Variants in RAB3GAP2 observed in about 807,000 individuals in gnomAD.
RAB3GAP2 encodes RAB3 GTPase activating non-catalytic protein subunit 2.
Under a neutral mutation model 185.3 loss-of-function variants are expected in RAB3GAP2, and 87 were observed. The ratio of observed to expected loss-of-function variants is 0.47; its 90% CI spans 0.39 to 0.56. The LOEUF is 0.56. Among genes scored for constraint, RAB3GAP2 ranks in the 20% least tolerant of loss-of-function variants. The pLI is 0.00. For synonymous variants in RAB3GAP2, 554 were observed against 576.1 expected, an observed-to-expected ratio of 0.96 and a Z score of 0.55; for missense variants, 1,492 against 1,638.2, an observed-to-expected ratio of 0.91 and a Z score of 1.54.
At chr1:220,255,862 A>G (rs1660024392) in intron 1 of RAB3GAP2, among the ~76,000 whole-genome samples, 1 of 152,208 alleles carries the variant, frequency 6.6e-6, no homozygotes, top group African/African-American at 2.4e-5. Context: ...ACAGTTCAGG[A>G]TATCATCCAG....
chr1:220,213,729 AGTT>A, intron 3 of RAB3GAP2, 124 bp downstream of exon 3: 2 of 637,306 alleles, frequency 3.1e-6, no homozygotes, highest in Non-Finnish European at 2.3e-6. Flanking sequence ...GCGGAGGAGG[AGTT>A]GGGGGGGGGG....
chr1:220,189,621 G>C (rs909952210), intron 17 of RAB3GAP2, 82 bp downstream of exon 17: 102 of 1,359,278 alleles, frequency 7.5e-5, no homozygotes, highest in Non-Finnish European at 1.0e-4. Context: ...TCATGTTTGG[G>C]GGAAATAGGA....
chr1:220,233,881 A>C (rs1012259904), intron 1 of RAB3GAP2, among the ~76,000 whole-genome samples: 1 of 151,944 alleles, frequency 6.6e-6, no homozygotes, highest in Admixed American at 6.6e-5. Flanking sequence ...TTGTATTTTT[A>C]TTAGAGACAG....
intron 1 of RAB3GAP2, among the ~76,000 whole-genome samples, chr1:220,245,460 A>C (rs532150193): frequency 1.3e-5 from 2 of 152,194 alleles, no homozygotes; most frequent in South Asian, 2.1e-4. Context: ...CTTTTCAGAC[A>C]GGCTTAAAAA....
chr1:220,266,855 T>G (rs1185661210), intron 1 of RAB3GAP2: 63 of 1,597,458 alleles, frequency 3.9e-5, no homozygotes, highest in Non-Finnish European at 5.3e-5. Context: ...CCTGGCTCCC[T>G]CTGTTACAAA....
At chr1:220,168,615 G>A (rs773969353) in intron 24 of RAB3GAP2, among the ~76,000 whole-genome samples, 13 of 151,352 alleles carry the variant, frequency 8.6e-5, no homozygotes, top group Admixed American at 5.3e-4. Context: ...CAGGCTGGTC[G>A]CAAACTCTTG....
At position 220,213,851 on chromosome 1, in the gene RAB3GAP2, C is replaced by T; in HGVS notation, c.304+5G>A. 1 of 1,611,908 alleles carries T rather than the reference C, an allele frequency of 6.2e-7. No individual in the cohort carries two copies. Among genetic ancestry groups the T allele is most frequent in the African/African-American group, 1.3e-5 (1 of 74,924 alleles). The stretch of plus-strand genomic sequence containing the variant: ...AAAGGTCGCTGAAAATAATAGGATA[C>T]TCACGCACTAGAAATACAGCTTTTT... On this transcript the variant is annotated splice_donor_5th_base_variant and intron_variant, in intron 3 of 34. Coordinates refer to ENST00000358951, the MANE Select transcript of RAB3GAP2 (RefSeq NM_012414.4).
chr1:220,201,726 C>G (rs1658863803), intron 9 of RAB3GAP2, among the ~76,000 whole-genome samples: 1 of 152,140 alleles, frequency 6.6e-6, no homozygotes, highest in Non-Finnish European at 1.5e-5. Flanking sequence ...TCTTGAACTT[C>G]TGGCCTCATG....
At chr1:220,272,122 A>T in intron 1 of RAB3GAP2, 101 bp downstream of exon 1, 1 of 1,009,000 alleles carries the variant, frequency 9.9e-7, no homozygotes, top group East Asian at 2.6e-5. Flanking sequence ...GGGGGTCCAG[A>T]GGGCAGAGGC....
intron 17 of RAB3GAP2, among the ~76,000 whole-genome samples, 198 bp from the exon 18 acceptor site, chr1:220,185,939 T>C (rs1357507748): frequency 6.6e-6 from 1 of 152,118 alleles, no homozygotes; most frequent in Non-Finnish European, 1.5e-5. Flanking sequence ...ATGCCAAATA[T>C]GACATAAATG....
chr1:220,228,223 TC>T (rs1659438217), intron 2 of RAB3GAP2, among the ~76,000 whole-genome samples: 2 of 152,214 alleles, frequency 1.3e-5, no homozygotes, highest in African/African-American at 4.8e-5. Flanking sequence ...TAAAAGGTTC[TC>T]TTTCCACTCC....
Position 220,171,083 on chromosome 1 carries a change from A to T in RAB3GAP2, c.2615T>A (p.Leu872His). ...AGAAAGTGCCTCCCAGGAATCAGTG[A>T]GGGCCTCTGAATCAGCACCCAAAAC... ...QTVLGADSEA[L>H]TDSWEALSLD... The change falls in exon 24 of 35, where the codon CTC (leucine) becomes CAC (histidine). Residue 872 changes from leucine to histidine, a missense_variant. Around this residue, in one of 5 missense-constraint regions of RAB3GAP2, gnomAD observed 681 missense variants for 689.1 expected, o/e 0.99. Coordinates refer to ENST00000358951, the MANE Select transcript of RAB3GAP2 (RefSeq NM_012414.4). 1 of 1,614,174 alleles carries T rather than the reference A, an allele frequency of 6.2e-7. No individual in the cohort carries two copies. The highest frequency in any genetic ancestry group is 8.5e-7 in the Non-Finnish European group (1 of 1,180,006).
rs745677533 is a variant in RAB3GAP2 at position 220,185,713 on chromosome 1, C to A, written c.1808G>T (p.Arg603Leu). The change falls in exon 18 of 35, where the codon CGT (arginine) becomes CTT (leucine). Residue 603 changes from arginine to leucine, a missense_variant. By Grantham distance (102) the Arg-to-Leu change is moderately radical. This residue lies in a region of RAB3GAP2 where 681 missense variants were observed against 689.1 expected (regional missense o/e 0.99). Coordinates refer to ENST00000358951, the MANE Select transcript of RAB3GAP2 (RefSeq NM_012414.4). ...GTTTCTAAGGCAAGAAAATGGTAAACGTTCACTTGCCAAAATGCTTTCCAA... is the reference window on the plus strand; with the variant it reads ...GTTTCTAAGGCAAGAAAATGGTAAAAGTTCACTTGCCAAAATGCTTTCCAA... ...QALESILASE[R>L]LPFSCLRNIT... The A allele has an allele frequency of 6.2e-7, 1 of 1,612,164 alleles. No homozygotes were observed. Among genetic ancestry groups the A allele is most frequent in the African/African-American group, 1.3e-5 (1 of 74,828 alleles).
At chr1:220,249,091 C>A (rs943152442) in intron 1 of RAB3GAP2, among the ~76,000 whole-genome samples, 1 of 152,040 alleles carries the variant, frequency 6.6e-6, no homozygotes, top group African/African-American at 2.4e-5. Flanking sequence ...CATAAGGATA[C>A]CTGAAAATGT....
chr1:220,254,502 T>C (rs1298490969), intron 1 of RAB3GAP2: 3 of 1,613,376 alleles, frequency 1.9e-6, no homozygotes, highest in South Asian at 1.1e-5. Context: ...CCAGCGATTA[T>C]GAAGTGGCTC....
chr1:220,187,894 T>C (rs1239572957), intron 17 of RAB3GAP2, among the ~76,000 whole-genome samples: 1 of 152,066 alleles, frequency 6.6e-6, no homozygotes, highest in East Asian at 1.9e-4. Context: ...GTAACCCTAA[T>C]TTATAGCTAG....
At chr1:220,231,640 A>G (rs983505117) in intron 2 of RAB3GAP2, among the ~76,000 whole-genome samples, 3 of 152,200 alleles carry the variant, frequency 2.0e-5, no homozygotes, top group Admixed American at 6.5e-5. Context: ...TGATTCAACA[A>G]TGAATATCTC....
At chr1:220,172,421 T>C (rs991083010) in intron 22 of RAB3GAP2, among the ~76,000 whole-genome samples, 2 of 152,222 alleles carry the variant, frequency 1.3e-5, no homozygotes, top group Non-Finnish European at 2.9e-5. Flanking sequence ...TCAAATCATG[T>C]TATTTTTTTA....
intron 2 of RAB3GAP2, chr1:220,220,178 G>C (rs1571907651): frequency 1.3e-5 from 2 of 151,880 alleles, no homozygotes; most frequent in African/African-American, 4.8e-5. Flanking sequence ...CCCCCACCCT[G>C]TTACTAAAGT....
Sources: allele counts gnomAD v4.1 joint callset (sites outside exome capture counted in the v4.1 genomes callset), GRCh38; gene constraint gnomAD v4.1.1; regional missense constraint gnomAD v4.1.1; transcripts MANE v1.5; gene names NCBI Gene and HGNC (gene_info 2026-07-23, HGNC 2026-07-21).